Variants in ARMC1 observed in about 807,000 individuals in gnomAD.
ARMC1 encodes the protein armadillo repeat containing 1, also known as armadillo repeat-containing protein 1.
In ARMC1, 16 loss-of-function variants were observed where a neutral mutation model predicts 31.4. That is an observed-to-expected ratio of 0.51 (90% CI 0.34 to 0.77). The LOEUF (loss-of-function observed/expected upper bound fraction) is 0.77. Ranked by LOEUF, ARMC1 falls within the 30% of genes least tolerant of loss-of-function variation. The pLI, the probability that ARMC1 is intolerant of heterozygous loss-of-function variation, is 0.01. For synonymous variants in ARMC1, 114 were observed against 118.9 expected, an observed-to-expected ratio of 0.96 and a Z score of 0.27; for missense variants, 259 against 347.5, an observed-to-expected ratio of 0.75 and a Z score of 2.02.
chr8:65,609,886 A>AAGAAAAAAC (rs1808091113), intron 4 of ARMC1, among the ~76,000 whole-genome samples: 1 of 151,296 alleles, frequency 6.6e-6, no homozygotes, highest in Non-Finnish European at 1.5e-5. Flanking sequence ...AGAAAAGAAA[A>AAGAAAAAAC]AGAAAAAAGC....
At chr8:65,619,044 C>CA (rs1260079020) in intron 3 of ARMC1, among the ~76,000 whole-genome samples, 1 of 151,602 alleles carries the variant, frequency 6.6e-6, no homozygotes, top group Non-Finnish European at 1.5e-5. Context: ...CTCCATCTCA[C>CA]AAAAAACAAA....
intron 3 of ARMC1, among the ~76,000 whole-genome samples, chr8:65,616,618 T>C (rs190532864): frequency 3.6e-3 from 545 of 149,852 alleles, no homozygotes; most frequent in African/African-American, 0.012. Context: ...GAGGAGTGCC[T>C]CTGCCCGGCT....
At chr8:65,619,754 C>A (rs1036926069) in intron 3 of ARMC1, among the ~76,000 whole-genome samples, 3 of 151,838 alleles carry the variant, frequency 2.0e-5, no homozygotes, top group African/African-American at 7.3e-5. Context: ...GAGGCTGAGA[C>A]GGGCGGATCA....
At chr8:65,629,798 CAAAAAAAA>C in intron 1 of ARMC1, among the ~76,000 whole-genome samples, 1 of 101,342 alleles carries the variant, frequency 9.9e-6, no homozygotes, top group Admixed American at 1.1e-4. Flanking sequence ...GACTCCGTCT[CAAAAAAAA>C]AAAAAAAAAA....
chr8:65,616,462 T>C (rs1034350764), intron 3 of ARMC1, among the ~76,000 whole-genome samples: 4 of 152,206 alleles, frequency 2.6e-5, no homozygotes, highest in Non-Finnish European at 5.9e-5. Flanking sequence ...TGGAGTGCAG[T>C]GGCGTAATCT....
At chr8:65,604,644 C>A (rs540767388) in intron 6 of ARMC1, 59 bp from the exon 7 acceptor site, 1 of 1,488,820 alleles carries the variant, frequency 6.7e-7, no homozygotes, top group Non-Finnish European at 9.2e-7. Flanking sequence ...ATTCTAATTA[C>A]CGTGGTTATT....
In ARMC1 at chr8:65,629,314, G is replaced by C. The variant is rs1479453383; in HGVS notation, c.-35-1881C>G. Among the ~76,000 whole-genome samples the C allele has an allele frequency of 3.9e-5, 6 of 152,166 alleles. No homozygotes were observed. In the East Asian group the frequency reaches 9.6e-4, roughly 24 times the overall value. Reference sequence around the variant, plus strand: ...AAATGAAGTAAACTAGGCACAGAAAGAGAAATGCTGCATATTGTTGCTTAA... The same window carrying C: ...AAATGAAGTAAACTAGGCACAGAAACAGAAATGCTGCATATTGTTGCTTAA... On this transcript the variant is annotated intron_variant, in intron 1 of 6. Coordinates refer to ENST00000276569, the MANE Select transcript of ARMC1 (RefSeq NM_018120.6).
At position 65,603,357 on chromosome 8, in the gene ARMC1, C is replaced by T. The variant is rs763801636; in HGVS notation, c.*1037G>A. 2.0e-5 allele frequency: 3 copies of T among 152,094 alleles called. No homozygotes were observed. The highest frequency in any genetic ancestry group is 2.1e-4 in the South Asian group (1 of 4,824). The allele number at this position is 152,094 out of a possible 1,614,324, so 9.4% of individuals were successfully genotyped here. On this transcript the variant is annotated 3_prime_UTR_variant, in exon 7 of 7. Transcript: ENST00000276569. ...TTTGGGTCTTTTTCATTCAACACAA[C>T]GCAGCATTTTCATAATAAATTCACA...
At chr8:65,623,587 G>A (rs979318587) in intron 2 of ARMC1, among the ~76,000 whole-genome samples, 11 of 151,778 alleles carry the variant, frequency 7.2e-5, no homozygotes, top group African/African-American at 1.7e-4. Context: ...CAGCCTGGGC[G>A]ACAGAGCAAG....
chr8:65,629,755 T>C (rs1182209261), intron 1 of ARMC1, among the ~76,000 whole-genome samples: 4 of 145,090 alleles, frequency 2.8e-5, no homozygotes, highest in Non-Finnish European at 4.5e-5. Flanking sequence ...GCCGAGATTG[T>C]ACCACTGCAC....
At chr8:65,611,230 G>A (rs60662857) in intron 4 of ARMC1, among the ~76,000 whole-genome samples, 4,222 of 152,186 alleles carry the variant, frequency 0.028, 135 homozygotes, top group African/African-American at 0.079. Flanking sequence ...CACCATGCCC[G>A]GCCCTCACTT....
At chr8:65,608,034 G>A (rs530137252) in intron 4 of ARMC1, among the ~76,000 whole-genome samples, 6 of 152,224 alleles carry the variant, frequency 3.9e-5, no homozygotes, top group African/African-American at 1.4e-4. Flanking sequence ...ATTTAATAAT[G>A]TCACTGGATT....
rs151182826 is a variant in ARMC1 at position 65,627,297 on chromosome 8, G to A, written c.102C>T (p.Ile34=). 42 of 1,613,374 alleles carry A rather than the reference G, an allele frequency of 2.6e-5. No homozygotes were observed. Among genetic ancestry groups the A allele is most frequent in the African/African-American group, 2.5e-4 (19 of 75,010 alleles). Residue 34 remains isoleucine (I), a synonymous_variant, in exon 2 of 7, where the codon ATC becomes ATT. Transcript: ENST00000276569. ...LAADPLNRRA[I]VQDQGCLPGL... The stretch of plus-strand genomic sequence containing the variant: ...CAGGCAGACATCCCTGATCCTGGAC[G>A]ATGGCTCTTCTGTTTAACGGATCTG...
intron 2 of ARMC1, among the ~76,000 whole-genome samples, chr8:65,624,415 T>C (rs190966870): frequency 2.1e-5 from 3 of 142,950 alleles, no homozygotes; most frequent in Non-Finnish European, 4.5e-5. Context: ...AGAAGAATCA[T>C]TTGAACCCGG....
intron 3 of ARMC1, among the ~76,000 whole-genome samples, chr8:65,620,463 G>A (rs1185952917): frequency 6.6e-6 from 1 of 151,372 alleles, no homozygotes; most frequent in African/African-American, 2.4e-5. Context: ...CACCTCACCT[G>A]GCTAATTTTT....
rs148323258 is a variant in ARMC1 at position 65,628,071 on chromosome 8, G to T, written c.-35-638C>A. Among the ~76,000 whole-genome samples, 1,508 of 152,266 alleles carry T rather than the reference G, an allele frequency of 9.9e-3. 22 individuals carry two copies. The highest frequency in any genetic ancestry group is 0.033 in the African/African-American group (1,364 of 41,552). ...CTGCCTAACAGAAAAGCAAAAATAG[G>T]AAGAATGAAGTAGAATTTGACATAA... On this transcript the variant is annotated intron_variant, in intron 1 of 6. Coordinates refer to ENST00000276569, the MANE Select transcript of ARMC1 (RefSeq NM_018120.6).
intron 4 of ARMC1, 151 bp from the exon 5 acceptor site, chr8:65,605,689 T>C: frequency 1.6e-6 from 1 of 621,432 alleles, no homozygotes; most frequent in East Asian, 2.8e-5. Context: ...GGGGAGTGCT[T>C]AGTCAAATTT....
At chr8:65,632,544 C>G (rs1358736302) in intron 1 of ARMC1, among the ~76,000 whole-genome samples, 6 of 151,994 alleles carry the variant, frequency 3.9e-5, no homozygotes, top group African/African-American at 1.5e-4. Context: ...AACCGGGAGG[C>G]GGAACTTGCA....
At chr8:65,604,708 G>T in intron 6 of ARMC1, 123 bp from the exon 7 acceptor site, 1 of 747,362 alleles carries the variant, frequency 1.3e-6, no homozygotes, top group Non-Finnish European at 2.2e-6. Context: ...TGAGCACTGT[G>T]TCAATACAGA....
Sources: allele counts gnomAD v4.1 joint callset (sites outside exome capture counted in the v4.1 genomes callset), GRCh38; gene constraint gnomAD v4.1.1; transcripts MANE v1.5; gene names NCBI Gene and HGNC (gene_info 2026-07-23, HGNC 2026-07-21).